The following PITRM1 variants were observed in gnomAD, a reference collection of about 807,000 sequenced individuals.
PITRM1 encodes the protein presequence protease, mitochondrial.
PITRM1 carries 100 observed loss-of-function variants against 129.9 expected under a neutral mutation model. The observed-to-expected ratio is 0.77, with a 90% CI of 0.65 to 0.91. The LOEUF (loss-of-function observed/expected upper bound fraction) is 0.91, where lower values mean the gene tolerates loss of function less well. Among genes scored for constraint, PITRM1 ranks in the 40% least tolerant of loss-of-function variants. PITRM1 has a pLI of 0.00. For missense variants in PITRM1, 1,471 were observed against 1,318.3 expected (o/e 1.12, Z -1.79); for synonymous variants, 591 against 508.8 (o/e 1.16, Z -2.17).
At chr10:3,156,512 A>G (rs1841996658) in intron 13 of PITRM1, among the ~76,000 whole-genome samples, 1 of 152,256 alleles carries the variant, frequency 6.6e-6, no homozygotes, top group Admixed American at 6.5e-5. Context: ...AGTAATGAGT[A>G]CAAAGCAAAG....
chr10:3,170,422 A>G (rs1316520500), intron 1 of PITRM1, among the ~76,000 whole-genome samples: 1 of 152,182 alleles, frequency 6.6e-6, no homozygotes, highest in Non-Finnish European at 1.5e-5. Context: ...TCAATGTTGG[A>G]AACCTTTTCT....
rs1839745109 is a variant in PITRM1, at chr10:3,138,125, CTG to C, written c.3021-3_3021-2del. ...TGTGCTCTTCCCAGTGCCGAGGTAT[CTG>C]AGAGGAAGGCAGGCGTGGTCAGCAA... is the stretch of plus-strand genomic sequence containing the variant. On this transcript the variant is annotated splice_acceptor_variant and splice_polypyrimidine_tract_variant and intron_variant, in intron 26 of 26. Coordinates refer to ENST00000224949, the MANE Select transcript of PITRM1 (RefSeq NM_014889.4). LOFTEE classifies it high-confidence loss of function. The C allele has an allele frequency of 1.9e-6, 3 of 1,606,074 alleles. No individual in the cohort carries two copies. Among genetic ancestry groups the C allele is most frequent in the Non-Finnish European group, 2.6e-6 (3 of 1,174,962 alleles).
chr10:3,163,788 G>A lies in PITRM1; in HGVS notation c.728C>T (p.Pro243Leu), dbSNP rs758167571. 1.7e-5 allele frequency: 27 copies of A among 1,613,204 alleles called. No homozygotes were observed. The highest frequency in any genetic ancestry group is 1.6e-4 in the Middle Eastern group (1 of 6,070). Reference sequence around the variant, plus strand: ...CTTAAGCTGCTCCCATGTAAGCTCCGGGATGCACAGTGGGTCACCCCCGGA... The same window carrying A: ...CTTAAGCTGCTCCCATGTAAGCTCCAGGATGCACAGTGGGTCACCCCCGGA... ...VVSGGDPLCIPELTWEQLKQF... is the reference protein window; with the variant it reads ...VVSGGDPLCILELTWEQLKQF... The change falls in exon 7 of 27, where the codon CCG becomes CTG. Residue 243 changes from proline to leucine, a missense_variant. By Grantham distance (98) the Pro-to-Leu change is moderately conservative. Transcript: ENST00000224949.
intron 22 of PITRM1, chr10:3,143,720 C>G (rs1328129648): frequency 1.4e-6 from 1 of 705,072 alleles, no homozygotes; most frequent in South Asian, 1.5e-5. Context: ...CACACAATTT[C>G]TCACTGTAAA....
At chr10:3,139,810 G>C (rs1326260607) in intron 24 of PITRM1, among the ~76,000 whole-genome samples, 1 of 152,236 alleles carries the variant, frequency 6.6e-6, no homozygotes, top group Non-Finnish European at 1.5e-5. Flanking sequence ...ACAGGCACTT[G>C]CCACTGCGGC....
rs572476455 is a variant in PITRM1 at position 3,166,391 on chromosome 10, A to AGAGGAATGGCACGCTAGGGAAGGT, written c.267-12_267-11insACCTTCCCTAGCGTGCCATTCCTC. On this transcript the variant is annotated splice_polypyrimidine_tract_variant and intron_variant, in intron 3 of 26. Transcript: ENST00000224949. ...GTACGGAACTGCACGCTAGGGAAGG[A>AGAGGAATGGCACGCTAGGGAAGGT]GAATGACCAGAACGCAAAAGGTTCA... 7.0e-5 allele frequency: 97 copies of AGAGGAATGGCACGCTAGGGAAGGT among 1,395,430 alleles called. No individual in the cohort carries two copies. Among genetic ancestry groups the AGAGGAATGGCACGCTAGGGAAGGT allele is most frequent in the Non-Finnish European group, 9.3e-5 (93 of 1,000,194 alleles). 86.4% of individuals were successfully genotyped at this position (1,395,430 alleles called of 1,614,324 possible). A position where few individuals can be genotyped will look rare whatever the true frequency, so the allele number is the denominator to read the frequency against.
chr10:3,170,446 C>T (rs545291971), intron 1 of PITRM1, among the ~76,000 whole-genome samples: 2 of 152,214 alleles, frequency 1.3e-5, no homozygotes, highest in South Asian at 4.2e-4. Context: ...CACTTGTTCA[C>T]AAATAACTAT....
chr10:3,163,643 G>A (rs1588706825), intron 7 of PITRM1, 82 bp downstream of exon 7: 1 of 1,167,036 alleles, frequency 8.6e-7, no homozygotes, highest in South Asian at 1.6e-5. Context: ...AAATGTGAGA[G>A]AAGCCATGCC....
Position 3,137,912 on chromosome 10 carries a change from G to A in PITRM1, c.*119C>T. 1 of 651,606 alleles carries A rather than the reference G, an allele frequency of 1.5e-6. No homozygotes were observed. Among genetic ancestry groups the A allele is most frequent in the East Asian group, 2.7e-5 (1 of 36,534 alleles). 40.4% of individuals were successfully genotyped at this position (651,606 alleles called of 1,614,324 possible). On this transcript the variant is annotated 3_prime_UTR_variant, in exon 27 of 27. Transcript: ENST00000224949. The stretch of plus-strand genomic sequence containing the variant: ...TGAGTTTTTGACTCGCCAGTCAAGG[G>A]CTTTGGCGACACTCAATGACATAAT...
intron 1 of PITRM1, among the ~76,000 whole-genome samples, chr10:3,171,147 TAAAAAAAAAAAAAAAAAAAAA>T (rs1169315061): frequency 2.0e-5 from 1 of 49,172 alleles, no homozygotes; most frequent in African/African-American, 8.0e-5. Flanking sequence ...ATCGTTCAAT[TAAAAAAAAAAAAAAAAAAAAA>T]AAAAAAAAAA....
chr10:3,172,274 A>G, intron 1 of PITRM1: 3 of 467,992 alleles, frequency 6.4e-6, no homozygotes, highest in South Asian at 3.1e-5. Flanking sequence ...AAAACAAAAC[A>G]GTTCAATTCC....
At chr10:3,145,290 G>A (rs910866824) in intron 21 of PITRM1, 2 of 335,524 alleles carry the variant, frequency 6.0e-6, no homozygotes, top group East Asian at 5.6e-5. Context: ...TTCAGGCTAC[G>A]GTTTGGGCCA....
At chr10:3,145,785 T>C in intron 20 of PITRM1, 69 bp from the exon 21 acceptor site, 7 of 1,176,558 alleles carry the variant, frequency 5.9e-6, no homozygotes, top group Non-Finnish European at 8.6e-6. Context: ...CATCACATTT[T>C]GTATAACTCA....
intron 15 of PITRM1, 47 bp downstream of exon 15, chr10:3,151,200 C>A (rs1841480148): frequency 2.9e-6 from 3 of 1,035,610 alleles, no homozygotes; most frequent in South Asian, 2.7e-5. Flanking sequence ...ACATTTAATT[C>A]CCCCAAGGAA....
At chr10:3,150,217 G>A (rs1841372640) in intron 15 of PITRM1, among the ~76,000 whole-genome samples, 1 of 152,068 alleles carries the variant, frequency 6.6e-6, no homozygotes, top group Admixed American at 6.5e-5. Context: ...TCAAGGGGAG[G>A]GCTGGACATT....
intron 7 of PITRM1, among the ~76,000 whole-genome samples, chr10:3,161,048 A>G (rs912841382): frequency 1.1e-4 from 16 of 152,074 alleles, no homozygotes; most frequent in Non-Finnish European, 8.8e-5. Flanking sequence ...GGCGTGAGCC[A>G]CCGTGCCTGA....
At chr10:3,170,080 G>A in intron 2 of PITRM1, 24 bp downstream of exon 2, 4 of 1,527,224 alleles carry the variant, frequency 2.6e-6, no homozygotes, top group Non-Finnish European at 3.6e-6. Flanking sequence ...GGATTTATAA[G>A]GAGGTGCCGA....
intron 2 of PITRM1, among the ~76,000 whole-genome samples, chr10:3,167,256 ATG>A (rs932408626): frequency 5.0e-4 from 69 of 138,454 alleles, no homozygotes; most frequent in African/African-American, 1.5e-3. Context: ...AGATGAGAAT[ATG>A]TGTGTGTGTG....
chr10:3,168,370 T>C (rs1225723384), intron 2 of PITRM1, among the ~76,000 whole-genome samples: 2 of 152,210 alleles, frequency 1.3e-5, no homozygotes, highest in East Asian at 3.9e-4. Flanking sequence ...TTAATAATAA[T>C]AGCTTTCATG....
Sources: gnomAD v4.1 joint callset for allele counts (sites outside exome capture counted in the v4.1 genomes callset) on GRCh38, gnomAD v4.1.1 for gene constraint, MANE v1.5 for transcripts, NCBI Gene and HGNC (gene_info 2026-07-23, HGNC 2026-07-21) for gene names.